KAZN: variants seen among roughly 807,000 people sequenced by gnomAD.
The protein encoded by KAZN is kazrin.
In KAZN, 40 loss-of-function variants were observed where a neutral mutation model predicts 87.4. That is an observed-to-expected ratio of 0.46 (90% CI 0.36 to 0.60). The LOEUF is 0.60. Ranked by LOEUF, KAZN falls within the 20% of genes least tolerant of loss-of-function variation. The pLI is 0.00. For synonymous variants in KAZN, 466 were observed against 458.3 expected (o/e 1.02, Z -0.22); for missense variants, 898 against 1,073.9 (o/e 0.84, Z 2.29).
rs1553186844 is a variant in KAZN, at chr1:14,547,188, A to AT, written c.250-51786dup. Among the ~76,000 whole-genome samples the AT allele has an allele frequency of 2.5e-4, 38 of 151,702 alleles. 1 individual carries two copies. The highest frequency in any genetic ancestry group is 2.1e-4 in the South Asian group (1 of 4,788). Reference sequence around the variant, plus strand: ...TTACCAAAGGGAAGAATAGAATGACATTTTTTTTTCCTTGACCTTCTCAAT... The same window carrying AT: ...TTACCAAAGGGAAGAATAGAATGACATTTTTTTTTTCCTTGACCTTCTCAAT... On this transcript the variant is annotated intron_variant, in intron 2 of 16. Coordinates refer to the KAZN transcript ENST00000636203.
chr1:15,002,982 TAAAATA>T (rs898876082), intron 2 of KAZN, among the ~76,000 whole-genome samples: 1 of 144,758 alleles, frequency 6.9e-6, no homozygotes, highest in Non-Finnish European at 1.5e-5. Flanking sequence ...TCTCAAAAAA[TAAAATA>T]AAAATAAAAA....
chr1:14,124,871 G>A (rs759991477), intron 1 of KAZN, among the ~76,000 whole-genome samples: 1 of 152,192 alleles, frequency 6.6e-6, no homozygotes, highest in Non-Finnish European at 1.5e-5. Flanking sequence ...AAGAGCTTGT[G>A]GTCAGTCTCC....
At chr1:14,137,745 G>C (rs958460860) in intron 1 of KAZN, among the ~76,000 whole-genome samples, 3 of 79,008 alleles carry the variant, frequency 3.8e-5, no homozygotes, top group African/African-American at 1.5e-4. Flanking sequence ...TTTTGCTCTT[G>C]TTGCCCAGGC....
At chr1:14,795,834 T>A (rs1471672829) in intron 1 of KAZN, among the ~76,000 whole-genome samples, 1 of 152,228 alleles carries the variant, frequency 6.6e-6, no homozygotes, top group Middle Eastern at 3.2e-3. Flanking sequence ...GCTGGGATGC[T>A]GTTTCCCTCA....
At chr1:13,983,680 G>A (rs1174555143) in intron 1 of KAZN, among the ~76,000 whole-genome samples, 1 of 152,206 alleles carries the variant, frequency 6.6e-6, no homozygotes, top group Admixed American at 6.5e-5. Context: ...AGGAGGTGCC[G>A]AGAGCGAGCG....
rs182553561 is a variant in KAZN at position 14,813,680 on chromosome 1, C to G, written c.227-147004C>G. On this transcript the variant is annotated intron_variant, in intron 1 of 14. Coordinates refer to ENST00000376030, the MANE Select transcript of KAZN (RefSeq NM_201628.3). Reference sequence around the variant, plus strand: ...TTCCACCCTAGGTCATATTCACACTCTTTTGTGACCATGGGAAGTTGTCAG... The same window carrying G: ...TTCCACCCTAGGTCATATTCACACTGTTTTGTGACCATGGGAAGTTGTCAG... Among the ~76,000 whole-genome samples the G allele has an allele frequency of 4.3e-3, 651 of 152,344 alleles. 3 individuals carry two copies. Among genetic ancestry groups the G allele is most frequent in the African/African-American group, 0.015 (609 of 41,574 alleles).
At chr1:14,848,025 A>G (rs563949704) in intron 1 of KAZN, among the ~76,000 whole-genome samples, 37 of 152,328 alleles carry the variant, frequency 2.4e-4, no homozygotes, top group African/African-American at 7.7e-4. Flanking sequence ...AAGGTGCTCA[A>G]TAAATATTAG....
intron 1 of KAZN, among the ~76,000 whole-genome samples, chr1:14,146,553 A>AG (rs1176237797): frequency 6.9e-6 from 1 of 145,036 alleles, no homozygotes; most frequent in Admixed American, 6.7e-5. Flanking sequence ...AAAAAAAAAA[A>AG]AAAAGAAAAG....
At chr1:14,796,581 T>A (rs2100715055) in intron 1 of KAZN, among the ~76,000 whole-genome samples, 1 of 152,336 alleles carries the variant, frequency 6.6e-6, no homozygotes, top group Non-Finnish European at 1.5e-5. Context: ...GATGCGTTTC[T>A]GTTACAAAAA....
intron 1 of KAZN, among the ~76,000 whole-genome samples, chr1:14,053,072 C>T (rs998576624): frequency 1.6e-4 from 24 of 152,158 alleles, no homozygotes; most frequent in East Asian, 3.9e-4. Context: ...GATGCCACCC[C>T]GTGAGTCTGT....
At chr1:14,429,458 C>T (rs144652186) in intron 2 of KAZN, among the ~76,000 whole-genome samples, 46 of 152,288 alleles carry the variant, frequency 3.0e-4, no homozygotes, top group African/African-American at 1.1e-3. Flanking sequence ...AAACTATTCT[C>T]TGAAGGTTTG....
intron 2 of KAZN, among the ~76,000 whole-genome samples, chr1:14,482,829 G>A (rs564311581): frequency 1.3e-5 from 2 of 152,096 alleles, no homozygotes; most frequent in African/African-American, 2.4e-5. Context: ...CCAAGTCAAC[G>A]GGAGCTAATA....
chr1:14,193,798 C>T (rs1646471884), intron 2 of KAZN, among the ~76,000 whole-genome samples: 1 of 151,936 alleles, frequency 6.6e-6, no homozygotes, highest in South Asian at 2.1e-4. Flanking sequence ...GAGTAACAGC[C>T]TTGAATGCTG....
chr1:14,015,643 G>T (rs1570532238), intron 1 of KAZN, among the ~76,000 whole-genome samples: 1 of 147,834 alleles, frequency 6.8e-6, no homozygotes, highest in African/African-American at 2.5e-5. Context: ...ACCACACCCA[G>T]CTCACACCTG....
chr1:14,761,347 C>A (rs1028937012), intron 1 of KAZN, among the ~76,000 whole-genome samples: 1 of 152,156 alleles, frequency 6.6e-6, no homozygotes, highest in Non-Finnish European at 1.5e-5. Context: ...CTCCCCCAAG[C>A]CCCTCTGTTC....
At chr1:14,486,830 A>T (rs1473326949) in intron 2 of KAZN, among the ~76,000 whole-genome samples, 1 of 152,246 alleles carries the variant, frequency 6.6e-6, no homozygotes, top group Admixed American at 6.5e-5. Flanking sequence ...AGTGCCAGGC[A>T]TAATATTATA....
chr1:14,699,554 G>A (rs1641805780), intron 1 of KAZN, among the ~76,000 whole-genome samples: 1 of 152,180 alleles, frequency 6.6e-6, no homozygotes, highest in African/African-American at 2.4e-5. Context: ...AGAAATAGCA[G>A]AGTTATAGGC....
intron 1 of KAZN, among the ~76,000 whole-genome samples, chr1:14,118,749 T>C (rs182390617): frequency 2.6e-5 from 4 of 152,254 alleles, no homozygotes; most frequent in African/African-American, 9.6e-5. Flanking sequence ...ATTTTACAGA[T>C]GGGAAGACTG....
At chr1:13,966,069 C>T (rs553606736) in intron 1 of KAZN, among the ~76,000 whole-genome samples, 2 of 152,244 alleles carry the variant, frequency 1.3e-5, no homozygotes, top group East Asian at 3.9e-4. Flanking sequence ...TCATCAGACC[C>T]GTAACACCGA....
Sources: allele counts gnomAD v4.1 joint callset (sites outside exome capture counted in the v4.1 genomes callset), GRCh38; gene constraint gnomAD v4.1.1; transcripts MANE v1.5; gene names NCBI Gene and HGNC (gene_info 2026-07-23, HGNC 2026-07-21).